The following TUT1 variants were observed in gnomAD, a reference collection of about 807,000 sequenced individuals.
TUT1 encodes the protein terminal uridylyl transferase 1, U6 snRNA-specific.
In TUT1, 26 loss-of-function variants were observed where a neutral mutation model predicts 48.8. The observed-to-expected ratio is 0.53, with a 90% CI of 0.39 to 0.74. The LOEUF is 0.74. TUT1 is among the 30% of genes least tolerant of loss of function. The pLI is 0.00. For synonymous variants in TUT1, 470 were observed against 460.8 expected (o/e 1.02, Z -0.26); for missense variants, 1,065 against 1,114.8 (o/e 0.96, Z 0.64).
intron 1 of TUT1, among the ~76,000 whole-genome samples, chr11:62,590,869 G>C (rs977125443): frequency 6.6e-6 from 1 of 150,564 alleles, no homozygotes; most frequent in Admixed American, 6.6e-5. Context: ...TGTCATACAA[G>C]AACCTTGTCT....
intron 1 of TUT1, 44 bp from the exon 2 acceptor site, chr11:62,589,265 G>T: frequency 6.3e-7 from 1 of 1,587,582 alleles, no homozygotes; most frequent in Non-Finnish European, 8.6e-7. Context: ...AGCACTCTTC[G>T]ACGTGTCTGC....
rs760320852 is a variant in TUT1 at position 62,581,610 on chromosome 11, C to T, written c.365G>A (p.Arg122His). 1.9e-5 allele frequency: 30 copies of T among 1,591,166 alleles called. No individual in the cohort carries two copies. The highest frequency in any genetic ancestry group is 4.5e-5 in the East Asian group (2 of 44,598). The change falls in exon 3 of 9, where the codon CGT (arginine) becomes CAT (histidine). Residue 122 changes from arginine (R) to histidine (H), a missense_variant. Physicochemically the swap from Arg to His is conservative, Grantham distance 29 (BLOSUM62 0). Transcript: ENST00000476907. ...CTCCTTCTGCTCCCGTGGGCGGACA[C>T]GCAGGCGATGTCCTCCCAGGCTGTG... ...SQHSLGGHRL[R>H]VRPREQKEFQ...
At chr11:62,577,451 G>A (rs1036057100) in intron 5 of TUT1, 160 bp from the exon 6 acceptor site, 14 of 627,722 alleles carry the variant, frequency 2.2e-5, no homozygotes, top group African/African-American at 2.0e-4. Flanking sequence ...TGTGCGAAAG[G>A]ACAAAGGAGT....
intron 1 of TUT1, 52 bp downstream of exon 1, chr11:62,591,352 A>T (rs1942010322): frequency 6.7e-7 from 1 of 1,501,132 alleles, no homozygotes; most frequent in African/African-American, 1.4e-5. Context: ...CGCCAGGATC[A>T]AAAGACGAAA....
rs1220432653 is a variant in TUT1 at position 62,576,008 on chromosome 11, C to A, written c.1711G>T (p.Ala571Ser). The A allele has an allele frequency of 1.9e-6, 3 of 1,613,820 alleles. No homozygotes were observed. The highest frequency in any genetic ancestry group is 2.5e-6 in the Non-Finnish European group (3 of 1,179,994). ...TACTGGAGGCTTCGGCAGTAATTGG[C>A]TGCTGCTCGGCAGCAGTTCTGTAGG... ...GRLQNCCRAA[A>S]NYCRSLQYQR... is the part of the protein sequence containing the mutation. Residue 571 changes from alanine (A) to serine (S), a missense_variant, in exon 9 of 9, where the codon GCC (alanine) becomes TCC (serine). Ala to Ser is a moderately conservative substitution (Grantham distance 99, BLOSUM62 1). Transcript: ENST00000476907.
At chr11:62,581,784 A>G (rs899262475) in intron 2 of TUT1, 83 bp from the exon 3 acceptor site, 25 of 1,129,080 alleles carry the variant, frequency 2.2e-5, no homozygotes, top group Non-Finnish European at 2.8e-5. Context: ...AATATTTGAA[A>G]TGGAGACTAT....
intron 1 of TUT1, 177 bp downstream of exon 1, chr11:62,591,227 G>T: frequency 1.2e-6 from 1 of 819,040 alleles, no homozygotes; most frequent in Non-Finnish European, 1.5e-6. Flanking sequence ...GGAGTGTAAT[G>T]TGGTGGAACT....
At chr11:62,579,169 C>T (rs577615931) in intron 4 of TUT1, 139 bp from the exon 5 acceptor site, 1 of 554,800 alleles carries the variant, frequency 1.8e-6, no homozygotes, top group East Asian at 3.5e-5. Flanking sequence ...TCACAGGAAC[C>T]CTTTTTTTTT....
At chr11:62,584,780 AAT>A (rs1451657160) in intron 2 of TUT1, among the ~76,000 whole-genome samples, 2 of 151,164 alleles carry the variant, frequency 1.3e-5, no homozygotes, top group African/African-American at 4.9e-5. Context: ...TTTTTTACCC[AAT>A]AGTAAATAAC....
rs1320358277 is a variant in TUT1 at position 62,578,697 on chromosome 11, C to G, written c.1024G>C (p.Glu342Gln). ...CCCCGGAGAATGGATCCCACCAGCT[C>G]CAGCATTGCTGCCCCCTCTGCTTTC... is the stretch of plus-strand genomic sequence containing the variant. ...EEKAEGAAML[E>Q]LVGSILRGCV... The change falls in exon 5 of 9, where the codon GAG becomes CAG. Residue 342 changes from glutamate to glutamine, a missense_variant. Glu to Gln is a conservative substitution (Grantham distance 29, BLOSUM62 2). Coordinates refer to ENST00000476907, the MANE Select transcript of TUT1 (RefSeq NM_022830.3). 5 of 1,614,240 alleles carry G rather than the reference C, an allele frequency of 3.1e-6. No homozygotes were observed. Among genetic ancestry groups the G allele is most frequent in the Non-Finnish European group, 2.5e-6 (3 of 1,180,046 alleles).
intron 7 of TUT1, 61 bp downstream of exon 7, chr11:62,576,845 AG>A: frequency 6.3e-7 from 1 of 1,594,350 alleles, no homozygotes; most frequent in Non-Finnish European, 8.6e-7. Flanking sequence ...GGTGTATCTA[AG>A]TGTGATGAAG....
chr11:62,589,336 T>TGA, intron 1 of TUT1, 115 bp from the exon 2 acceptor site: 1 of 942,980 alleles, frequency 1.1e-6, no homozygotes, highest in Non-Finnish European at 1.6e-6. Context: ...CTGTGACCTT[T>TGA]GAATAAACAA....
chr11:62,584,828 CTT>C (rs558051358), intron 2 of TUT1, among the ~76,000 whole-genome samples: 1 of 139,664 alleles, frequency 7.2e-6, no homozygotes, highest in Admixed American at 7.2e-5. Flanking sequence ...TTTTATTTTA[CTT>C]TTTTTTTTTG....
rs759796242 is a variant in TUT1, at chr11:62,578,552, G to A, written c.1160+9C>T. On this transcript the variant is annotated intron_variant, in intron 5 of 8. Transcript: ENST00000476907. ...GAGTGAAATGTCGTCTCAAAAAAAAGAAAGGTACCGGTTACTGAGGGAGAC... is the reference window on the plus strand; with the variant it reads ...GAGTGAAATGTCGTCTCAAAAAAAAAAAAGGTACCGGTTACTGAGGGAGAC... 7 of 1,570,446 alleles carry A rather than the reference G, an allele frequency of 4.5e-6. No individual in the cohort carries two copies. The highest frequency in any genetic ancestry group is 2.3e-5 in the East Asian group (1 of 44,282).
At position 62,581,586 on chromosome 11, in the gene TUT1, T is replaced by G; in HGVS notation, c.389A>C (p.Glu130Ala). 2 of 1,607,556 alleles carry G rather than the reference T, an allele frequency of 1.2e-6. No individual in the cohort carries two copies. The highest frequency in any genetic ancestry group is 1.7e-6 in the Non-Finnish European group (2 of 1,176,358). ...RLRVRPREQK[E>A]FQSPASKSPK... ...GGATTTGGAGGCCGGGCTCTGGAAC[T>G]CCTTCTGCTCCCGTGGGCGGACACG... is the stretch of plus-strand genomic sequence containing the variant. The change falls in exon 3 of 9, where the codon GAG becomes GCG. Residue 130 changes from glutamate to alanine, a missense_variant. By Grantham distance (107) the Glu-to-Ala change is moderately radical. Transcript: ENST00000476907.
At position 62,575,265 on chromosome 11, in the gene TUT1, A is replaced by G; in HGVS notation, c.2454T>C (p.Ser818=). 1 of 1,614,064 alleles carries G rather than the reference A, an allele frequency of 6.2e-7. No homozygotes were observed. The highest frequency in any genetic ancestry group is 1.1e-5 in the South Asian group (1 of 91,072). The stretch of plus-strand genomic sequence containing the variant: ...CAGTTTCTGGCCTCTCTTCGCCACC[A>G]CTCAGTCCTTTCAGCTCCTGGGTGA... ...AQVTQELKGL[S]GGEERPETEP... Residue 818 remains serine (S), a synonymous_variant, in exon 9 of 9, where the codon AGT becomes AGC. Transcript: ENST00000476907.
At chr11:62,582,574 C>T (rs1240041137) in intron 2 of TUT1, 1 of 455,114 alleles carries the variant, frequency 2.2e-6, no homozygotes, top group Non-Finnish European at 4.4e-6. Context: ...TACACACCAG[C>T]CTGAGAGACA....
chr11:62,591,496 C>T lies in TUT1; in HGVS notation c.-11G>A. ...ATCCACCGCCGCCATAGCGACTCTCCTGTACCGACAAAAACACAAGCACCT... is the reference window on the plus strand; with the variant it reads ...ATCCACCGCCGCCATAGCGACTCTCTTGTACCGACAAAAACACAAGCACCT... On this transcript the variant is annotated 5_prime_UTR_variant, in exon 1 of 9. Transcript: ENST00000476907. 1 of 1,614,120 alleles carries T rather than the reference C, an allele frequency of 6.2e-7. No individual in the cohort carries two copies. Among genetic ancestry groups the T allele is most frequent in the African/African-American group, 1.3e-5 (1 of 75,072 alleles).
rs1478210035 is a variant in TUT1 at position 62,575,728 on chromosome 11, T to C, written c.1991A>G (p.Asp664Gly). 5.0e-6 allele frequency: 8 copies of C among 1,614,144 alleles called. No homozygotes were observed. In the South Asian group the frequency reaches 8.8e-5, roughly 18 times the overall value. The change falls in exon 9 of 9, where the codon GAT (aspartate) becomes GGT (glycine). Residue 664 changes from aspartate (D) to glycine (G), a missense_variant. Asp to Gly is a moderately conservative substitution (Grantham distance 94). Transcript: ENST00000476907. Reference protein sequence around the residue: ...QGGTSKRLKVDGQKNCCEEGK... With the variant: ...QGGTSKRLKVGGQKNCCEEGK... The stretch of plus-strand genomic sequence containing the variant: ...CTCCTCACAGCAGTTTTTCTGTCCA[T>C]CTACTTTGAGTCTTTTGCTTGTCCC...
Sources: allele counts gnomAD v4.1 joint callset (sites outside exome capture counted in the v4.1 genomes callset), GRCh38; gene constraint gnomAD v4.1.1; transcripts MANE v1.5; gene names NCBI Gene and HGNC (gene_info 2026-07-23, HGNC 2026-07-21).